The following PTPRD variants were observed in gnomAD, a reference collection of about 807,000 sequenced individuals.
The protein encoded by PTPRD is receptor-type tyrosine-protein phosphatase delta.
In PTPRD, 34 loss-of-function variants were observed where a neutral mutation model predicts 214.5. That is an observed-to-expected ratio of 0.16 (90% CI 0.12 to 0.21). The LOEUF is 0.21. Ranked by LOEUF, PTPRD falls within the 10% of genes least tolerant of loss-of-function variation. The pLI is 1.00. For synonymous variants in PTPRD, 1,128 were observed against 845.7 expected, an observed-to-expected ratio of 1.33 and a Z score of -5.79; for missense variants, 2,545 against 2,398.7, an observed-to-expected ratio of 1.06 and a Z score of -1.27.
intron 3 of PTPRD, among the ~76,000 whole-genome samples, chr9:10,041,298 A>G (rs910290714): frequency 2.0e-5 from 3 of 151,956 alleles, no homozygotes; most frequent in Non-Finnish European, 2.9e-5. Flanking sequence ...AGAGGTTTCA[A>G]TTTTTATTTT....
intron 5 of PTPRD, among the ~76,000 whole-genome samples, chr9:9,784,524 C>A (rs1178127509): frequency 5.3e-5 from 8 of 152,000 alleles, no homozygotes; most frequent in African/African-American, 1.9e-4. Context: ...AAATTTCCTT[C>A]CAAAGCCATG....
intron 2 of PTPRD, among the ~76,000 whole-genome samples, chr9:10,488,253 G>A (rs527419863): frequency 6.6e-6 from 1 of 151,610 alleles, no homozygotes; most frequent in South Asian, 2.1e-4. Flanking sequence ...TGTAGTCCCA[G>A]CTACTCAGGA....
At chr9:9,081,544 T>C (rs2099759038) in intron 10 of PTPRD, among the ~76,000 whole-genome samples, 1 of 152,114 alleles carries the variant, frequency 6.6e-6, no homozygotes, top group Admixed American at 6.6e-5. Context: ...AAGTCCTGAA[T>C]ATCCTTGTTA....
chr9:10,026,530 G>A (rs1589195980), intron 4 of PTPRD, among the ~76,000 whole-genome samples: 1 of 152,102 alleles, frequency 6.6e-6, no homozygotes, highest in East Asian at 1.9e-4. Flanking sequence ...AGACAACGAT[G>A]GACAAAAAAT....
chr9:9,826,071 TTTC>T (rs1398512734), intron 5 of PTPRD, among the ~76,000 whole-genome samples: 1 of 151,830 alleles, frequency 6.6e-6, no homozygotes, highest in Non-Finnish European at 1.5e-5. Flanking sequence ...TTTATTTGTT[TTTC>T]TTCTTCAGGG....
chr9:9,680,385 C>G (rs975140539), intron 7 of PTPRD, among the ~76,000 whole-genome samples: 3 of 151,776 alleles, frequency 2.0e-5, no homozygotes, highest in Non-Finnish European at 4.4e-5. Context: ...ATTTGTGGAT[C>G]AAGCCCAGAA....
At position 8,409,731 on chromosome 9, in the gene PTPRD, G is replaced by A. The variant is rs568943518; in HGVS notation, c.4087-5071C>T. Among the ~76,000 whole-genome samples, 4 of 152,134 alleles carry A rather than the reference G, an allele frequency of 2.6e-5. No homozygotes were observed. In the South Asian group the frequency reaches 8.3e-4, roughly 32 times the overall value. On this transcript the variant is annotated intron_variant, in intron 35 of 45. Coordinates refer to ENST00000381196, the MANE Select transcript of PTPRD (RefSeq NM_002839.4). Reference sequence around the variant, plus strand: ...TTCACTTTCCCTCATCCCGCCAAGAGAAAAACCTCAAAATATTCCCTTTAG... The same window carrying A: ...TTCACTTTCCCTCATCCCGCCAAGAAAAAAACCTCAAAATATTCCCTTTAG...
intron 10 of PTPRD, among the ~76,000 whole-genome samples, chr9:9,019,335 AGAAC>A (rs767423485): frequency 0.31 from 13,792 of 43,896 alleles, 857 homozygotes; most frequent in Non-Finnish European, 0.35. Context: ...AAAGAAAGAA[AGAAC>A]GAAAGAAAGA....
chr9:9,832,629 G>GTTTCCTT (rs2055268931), intron 5 of PTPRD, among the ~76,000 whole-genome samples: 1 of 151,952 alleles, frequency 6.6e-6, no homozygotes, highest in African/African-American at 2.4e-5. Context: ...TGAAACATAA[G>GTTTCCTT]AGAGAACTTC....
At chr9:8,799,768 T>A (rs2096533912) in intron 11 of PTPRD, among the ~76,000 whole-genome samples, 1 of 152,144 alleles carries the variant, frequency 6.6e-6, no homozygotes, top group Non-Finnish European at 1.5e-5. Flanking sequence ...TCTGTCACTC[T>A]TATTTACTCT....
At chr9:9,939,816 G>T (rs181846587) in intron 4 of PTPRD, among the ~76,000 whole-genome samples, 6 of 152,228 alleles carry the variant, frequency 3.9e-5, no homozygotes, top group African/African-American at 1.4e-4. Context: ...GCTCAAGAAA[G>T]TCCCACCAGA....
intron 3 of PTPRD, among the ~76,000 whole-genome samples, chr9:10,105,091 T>A (rs1483669171): frequency 6.6e-6 from 1 of 151,846 alleles, no homozygotes; most frequent in Admixed American, 6.6e-5. Flanking sequence ...TCATTCTCCA[T>A]AACTCTGAAA....
intron 11 of PTPRD, among the ~76,000 whole-genome samples, chr9:8,774,661 A>T (rs1247413556): frequency 6.7e-6 from 1 of 149,574 alleles, no homozygotes; most frequent in Admixed American, 6.8e-5. Context: ...CAGCCTCCCG[A>T]GTAGCTGGGA....
At chr9:8,901,645 C>T (rs1897672) in intron 11 of PTPRD, among the ~76,000 whole-genome samples, 152,250 of 152,268 alleles carry the variant, frequency 1, 76,116 homozygotes, top group Non-Finnish European at 1. Context: ...CTTAGCTGTT[C>T]CCCTTCTTTC....
At chr9:10,071,452 G>T (rs2098014008) in intron 3 of PTPRD, among the ~76,000 whole-genome samples, 1 of 151,940 alleles carries the variant, frequency 6.6e-6, no homozygotes, top group African/African-American at 2.4e-5. Context: ...AGAATACAGA[G>T]TTCAGAAATA....
intron 4 of PTPRD, among the ~76,000 whole-genome samples, chr9:9,964,736 T>C (rs1402507263): frequency 6.6e-6 from 1 of 152,218 alleles, no homozygotes; most frequent in East Asian, 1.9e-4. Context: ...ACATTCATTT[T>C]TATCTCCATT....
chr9:10,232,765 C>G (rs13288348), intron 3 of PTPRD, among the ~76,000 whole-genome samples: 2,793 of 152,042 alleles, frequency 0.018, 53 homozygotes, highest in Non-Finnish European at 0.029. Context: ...TGAGAGTAGT[C>G]TGGATTGAAA....
intron 7 of PTPRD, among the ~76,000 whole-genome samples, chr9:9,684,945 T>C (rs1024333691): frequency 2.0e-5 from 3 of 151,592 alleles, no homozygotes; most frequent in African/African-American, 4.8e-5. Flanking sequence ...TAAGAATAGA[T>C]TATACATCAC....
intron 8 of PTPRD, among the ~76,000 whole-genome samples, chr9:9,439,194 A>AT (rs35504835): frequency 2.6e-5 from 4 of 151,526 alleles, no homozygotes; most frequent in Admixed American, 6.6e-5. Context: ...AATACATTAG[A>AT]TTTTTTTTTA....
Sources: allele counts gnomAD v4.1 joint callset (sites outside exome capture counted in the v4.1 genomes callset), GRCh38; gene constraint gnomAD v4.1.1; transcripts MANE v1.5; gene names NCBI Gene and HGNC (gene_info 2026-07-23, HGNC 2026-07-21).